Variants in GSK3B observed in about 807,000 individuals in gnomAD.
GSK3B encodes glycogen synthase kinase-3 beta.
GSK3B carries 15 observed loss-of-function variants against 56.4 expected under a neutral mutation model. The observed-to-expected ratio is 0.27, with a 90% CI of 0.18 to 0.41. The LOEUF is 0.41. Among genes scored for constraint, GSK3B ranks in the 10% least tolerant of loss-of-function variants. The pLI is 1.00. For missense variants in GSK3B, 300 were observed against 513.4 expected, an observed-to-expected ratio of 0.58 and a Z score of 4.02; for synonymous variants, 181 against 188.9, an observed-to-expected ratio of 0.96 and a Z score of 0.34.
At chr3:119,930,312 T>A (rs1455721078) in intron 3 of GSK3B, among the ~76,000 whole-genome samples, 4 of 152,116 alleles carry the variant, frequency 2.6e-5, no homozygotes, top group Non-Finnish European at 5.9e-5. Context: ...CTAAGCAACA[T>A]ATGTAAAAGT....
intron 2 of GSK3B, among the ~76,000 whole-genome samples, chr3:119,985,776 T>A (rs1359558789): frequency 1.3e-5 from 2 of 152,160 alleles, no homozygotes; most frequent in Non-Finnish European, 2.9e-5. Context: ...AATTTATAGA[T>A]TCAATGTCAT....
intron 1 of GSK3B, among the ~76,000 whole-genome samples, chr3:120,049,240 A>T (rs1271257506): frequency 1.6e-4 from 24 of 152,256 alleles, no homozygotes; most frequent in Admixed American, 1.6e-3. Context: ...AGTTAGGAAG[A>T]GTCTAACACA....
chr3:120,092,864 G>C (rs1181897275), intron 1 of GSK3B, among the ~76,000 whole-genome samples: 2 of 152,186 alleles, frequency 1.3e-5, no homozygotes, highest in African/African-American at 4.8e-5. Flanking sequence ...AATGTTGGGA[G>C]GGTGGGACAT....
At chr3:120,013,036 A>C (rs1343121991) in intron 1 of GSK3B, among the ~76,000 whole-genome samples, 1 of 152,150 alleles carries the variant, frequency 6.6e-6, no homozygotes, top group Non-Finnish European at 1.5e-5. Flanking sequence ...ATATCCCAAA[A>C]TAATACACAC....
At chr3:119,892,388 ACTCCCTTCCG>A (rs1004680806) in intron 7 of GSK3B, among the ~76,000 whole-genome samples, 1 of 151,458 alleles carries the variant, frequency 6.6e-6, no homozygotes, top group Non-Finnish European at 1.5e-5. Flanking sequence ...ATATTTATCC[ACTCCCTTCCG>A]CTCCCTATCT....
At chr3:120,082,693 C>A (rs1326396133) in intron 1 of GSK3B, among the ~76,000 whole-genome samples, 1 of 151,748 alleles carries the variant, frequency 6.6e-6, no homozygotes, top group Non-Finnish European at 1.5e-5. Context: ...CGCGCCCGGC[C>A]CCCAAATTAG....
intron 2 of GSK3B, among the ~76,000 whole-genome samples, chr3:119,958,958 T>C (rs2057243134): frequency 6.6e-6 from 1 of 152,158 alleles, no homozygotes; most frequent in African/African-American, 2.4e-5. Flanking sequence ...ATATATCCCC[T>C]GGAATACAAC....
chr3:120,036,871 A>T (rs147720277), intron 1 of GSK3B, among the ~76,000 whole-genome samples: 172 of 152,238 alleles, frequency 1.1e-3, no homozygotes, highest in African/African-American at 4.1e-3. Context: ...AGATATCAAA[A>T]TAATATGCTA....
intron 3 of GSK3B, among the ~76,000 whole-genome samples, chr3:119,927,273 A>C (rs1363606446): frequency 6.6e-6 from 1 of 152,222 alleles, no homozygotes; most frequent in Non-Finnish European, 1.5e-5. Flanking sequence ...TTACAAACTG[A>C]CATGTCTGTT....
chr3:120,036,601 G>A (rs566009319), intron 1 of GSK3B, among the ~76,000 whole-genome samples: 107 of 151,816 alleles, frequency 7.0e-4, no homozygotes, highest in African/African-American at 2.5e-3. Flanking sequence ...AAGACCAGCC[G>A]GGCCAACATG....
chr3:119,846,836 C>T (rs1050166424), intron 9 of GSK3B, among the ~76,000 whole-genome samples: 4 of 152,150 alleles, frequency 2.6e-5, no homozygotes, highest in Admixed American at 6.5e-5. Context: ...CACATGCATA[C>T]ATATATTTAT....
At chr3:119,888,084 G>C (rs1331085512) in intron 7 of GSK3B, among the ~76,000 whole-genome samples, 19 of 152,000 alleles carry the variant, frequency 1.3e-4, no homozygotes, top group Non-Finnish European at 2.9e-5. Context: ...CCACAAAAAA[G>C]TAGTTCAGGA....
At chr3:120,036,679 G>A (rs530421238) in intron 1 of GSK3B, among the ~76,000 whole-genome samples, 1 of 150,820 alleles carries the variant, frequency 6.6e-6, no homozygotes, top group South Asian at 2.1e-4. Flanking sequence ...TGAAATCCCA[G>A]CTCATCAGGA....
chr3:119,891,955 GTTAGAAAT>G (rs2056507576), intron 7 of GSK3B, among the ~76,000 whole-genome samples: 1 of 152,054 alleles, frequency 6.6e-6, no homozygotes, highest in Admixed American at 6.5e-5. Flanking sequence ...GCCCTACCTA[GTTAGAAAT>G]TTATCCAAAC....
intron 3 of GSK3B, among the ~76,000 whole-genome samples, chr3:119,943,496 C>A (rs1025717609): frequency 6.6e-6 from 1 of 152,056 alleles, no homozygotes; most frequent in Non-Finnish European, 1.5e-5. Flanking sequence ...ATAAGATACA[C>A]AGAACTGAAG....
chr3:120,078,943 AC>A (rs1480778041), intron 1 of GSK3B, among the ~76,000 whole-genome samples: 3 of 143,126 alleles, frequency 2.1e-5, no homozygotes, highest in Non-Finnish European at 3.0e-5. Flanking sequence ...ACACACACAC[AC>A]ACTTTTTTTT....
intron 1 of GSK3B, among the ~76,000 whole-genome samples, chr3:120,068,917 A>C (rs951500143): frequency 3.3e-5 from 5 of 152,096 alleles, no homozygotes; most frequent in African/African-American, 1.2e-4. Context: ...AGTATTCACT[A>C]TCTGTTTGGG....
chr3:120,015,803 AACTG>A (rs377326963), intron 1 of GSK3B, among the ~76,000 whole-genome samples: 17 of 152,266 alleles, frequency 1.1e-4, no homozygotes, highest in East Asian at 9.6e-4. Context: ...AGGATTTGAG[AACTG>A]ACTAATTCAT....
chr3:119,906,145 C>A (rs2056680150), intron 6 of GSK3B, among the ~76,000 whole-genome samples: 3 of 151,992 alleles, frequency 2.0e-5, no homozygotes, highest in Non-Finnish European at 4.4e-5. Context: ...GATTACAGTA[C>A]CAAAGCTATG....
Sources: allele counts gnomAD v4.1 joint callset (sites outside exome capture counted in the v4.1 genomes callset), GRCh38; gene constraint gnomAD v4.1.1; transcripts MANE v1.5; gene names NCBI Gene and HGNC (gene_info 2026-07-23, HGNC 2026-07-21).